OTOG: variants seen among roughly 807,000 people sequenced by gnomAD.
OTOG encodes otogelin.
Under a neutral mutation model 313.8 loss-of-function variants are expected in OTOG, and 296 were observed. That is an observed-to-expected ratio of 0.94 (90% CI 0.86 to 1.04). The LOEUF is 1.04. Ranked by LOEUF, OTOG falls within the 50% of genes least tolerant of loss-of-function variation. The pLI is 0.00. For missense variants in OTOG, 3,948 were observed against 3,840.1 expected (o/e 1.03, Z -0.74); for synonymous variants, 1,533 against 1,554.9 (o/e 0.99, Z 0.33).
At chr11:17,639,911 G>A (rs1271275599) in intron 49 of OTOG, among the ~76,000 whole-genome samples, 1 of 149,192 alleles carries the variant, frequency 6.7e-6, no homozygotes, top group Non-Finnish European at 1.5e-5. Flanking sequence ...GGTGGTGATG[G>A]TGAGGATGGT....
chr11:17,617,310 G>A (rs974977478), intron 39 of OTOG, among the ~76,000 whole-genome samples: 2 of 152,038 alleles, frequency 1.3e-5, no homozygotes, highest in Non-Finnish European at 2.9e-5. Context: ...GCAGAGTAAT[G>A]CTGGCCTCAC....
intron 15 of OTOG, among the ~76,000 whole-genome samples, chr11:17,562,915 C>CCAAA (rs1239010706): frequency 6.6e-6 from 1 of 152,080 alleles, no homozygotes; most frequent in Non-Finnish European, 1.5e-5. Context: ...CTCCCTGGGC[C>CCAAA]CTATAGTTTG....
rs935360771 is a variant in OTOG, at chr11:17,553,345, TTC to T, written c.386-16_386-15del. 6.8e-7 allele frequency: 1 copy of T among 1,468,968 alleles called. No homozygotes were observed. Among genetic ancestry groups the T allele is most frequent in the African/African-American group, 1.4e-5 (1 of 70,408 alleles). The allele number at this position is 1,468,968 out of a possible 1,614,324, so 91.0% of individuals were successfully genotyped here. On this transcript the variant is annotated intron_variant, in intron 5 of 55. Coordinates refer to ENST00000399397, the MANE Select transcript of OTOG (RefSeq NM_001292063.2). The stretch of plus-strand genomic sequence containing the variant: ...TGCCCACTGTAGCTACACAGAGAGG[TTC>T]TCTTTTCTCTCCCTCAGTGTACAAT...
chr11:17,589,868 C>A (rs772789766), intron 24 of OTOG, among the ~76,000 whole-genome samples: 12 of 152,156 alleles, frequency 7.9e-5, no homozygotes, highest in Non-Finnish European at 1.6e-4. Flanking sequence ...CTGTGGGCAG[C>A]ATTTGACACA....
rs982886364 is a variant in OTOG at position 17,593,284 on chromosome 11, T to C, written c.3098T>C (p.Val1033Ala). ...MICRKFISIN[V>A]GNSLIVFDDD... Reference sequence around the variant, plus strand: ...TGCAGGAAATTTATTTCCATCAACGTTGGGAACTCACTCATTGTCTTTGAT... The same window carrying C: ...TGCAGGAAATTTATTTCCATCAACGCTGGGAACTCACTCATTGTCTTTGAT... The change falls in exon 26 of 56, where the codon GTT becomes GCT. Residue 1033 changes from valine (V) to alanine (A), a missense_variant. By Grantham distance (64) the Val-to-Ala change is moderately conservative. Transcript: ENST00000399397. The C allele has an allele frequency of 1.9e-6, 3 of 1,550,468 alleles. No homozygotes were observed. Among genetic ancestry groups the C allele is most frequent in the Admixed American group, 2.0e-5 (1 of 50,986 alleles).
intron 39 of OTOG, among the ~76,000 whole-genome samples, chr11:17,624,340 G>A (rs11824246): frequency 0.028 from 4,255 of 152,260 alleles, 204 homozygotes; most frequent in African/African-American, 0.098. Flanking sequence ...TATGGCGTAA[G>A]GAAGGGGTCC....
chr11:17,548,118 C>T, intron 2 of OTOG, 34 bp from the exon 3 acceptor site: 2 of 1,536,466 alleles, frequency 1.3e-6, no homozygotes, highest in South Asian at 1.2e-5. Context: ...CCCATCCTAG[C>T]CCCCCATCCA....
chr11:17,581,600 CTTT>C (rs527263327), intron 23 of OTOG, among the ~76,000 whole-genome samples: 519 of 152,106 alleles, frequency 3.4e-3, no homozygotes, highest in Non-Finnish European at 5.6e-3. Flanking sequence ...ACTCTTTTTT[CTTT>C]TTTTCCTTTT....
intron 5 of OTOG, 46 bp downstream of exon 5, chr11:17,553,257 G>A (rs1339234851): frequency 6.5e-7 from 1 of 1,540,856 alleles, no homozygotes; most frequent in Non-Finnish European, 8.8e-7. Context: ...CCTGGGTGCA[G>A]GGAAAGCTAG....
At chr11:17,618,639 A>G (rs543296944) in intron 39 of OTOG, among the ~76,000 whole-genome samples, 7 of 152,336 alleles carry the variant, frequency 4.6e-5, no homozygotes, top group Non-Finnish European at 1.0e-4. Flanking sequence ...AGTTACTGAG[A>G]GAATGTTGAA....
Position 17,594,094 on chromosome 11 carries a change from T to C in OTOG, c.3336T>C (p.Asn1112=), listed in dbSNP as rs1465273332. Residue 1112 remains asparagine, a synonymous_variant, in exon 28 of 56, where the codon AAT becomes AAC. Coordinates refer to ENST00000399397, the MANE Select transcript of OTOG (RefSeq NM_001292063.2). ...LCGNFDLKTI[N]EMRTPENLEL... is the part of the protein sequence containing the mutation. ...GGAACTTTGACTTAAAAACCATCAA[T>C]GAGATGAGGACCCCGGAGAACCTAG... 5 of 1,550,160 alleles carry C rather than the reference T, an allele frequency of 3.2e-6. No homozygotes were observed. The highest frequency in any genetic ancestry group is 2.4e-5 in the South Asian group (2 of 84,052).
At chr11:17,632,052 T>A (rs1348548427) in intron 41 of OTOG, 36 bp from the exon 42 acceptor site, 4 of 1,545,746 alleles carry the variant, frequency 2.6e-6, no homozygotes, top group Non-Finnish European at 1.7e-6. Context: ...ATATGTGCCA[T>A]CCGAGTAACC....
intron 40 of OTOG, among the ~76,000 whole-genome samples, chr11:17,631,356 TTCTCTCTCTC>T (rs143019994): frequency 1.4e-5 from 2 of 141,688 alleles, no homozygotes; most frequent in African/African-American, 5.5e-5. Context: ...GCTTCTCTCC[TTCTCTCTCTC>T]TCTCTCTCTC....
At chr11:17,627,469 T>G (rs1854014790) in intron 39 of OTOG, among the ~76,000 whole-genome samples, 1 of 152,222 alleles carries the variant, frequency 6.6e-6, no homozygotes, top group Non-Finnish European at 1.5e-5. Flanking sequence ...AATGATCTTT[T>G]TGATGTATTG....
In OTOG at chr11:17,612,608, C is replaced by A. The variant is rs1853589169; in HGVS notation, c.6293-12C>A. On this transcript the variant is annotated splice_polypyrimidine_tract_variant and intron_variant, in intron 37 of 55. Transcript: ENST00000399397. ...ATCCACCTATTCTTCTTGTGCCCTG[C>A]CCCTCCCCCAGGCCGGTGCTCAATC... 1.3e-6 allele frequency: 2 copies of A among 1,547,754 alleles called. No homozygotes were observed. Among genetic ancestry groups the A allele is most frequent in the African/African-American group, 2.7e-5 (2 of 72,980 alleles).
Position 17,555,880 on chromosome 11 carries a change from C to T in OTOG, c.642C>T (p.Val214=), listed in dbSNP as rs1171775907. 1 of 1,551,038 alleles carries T rather than the reference C, an allele frequency of 6.4e-7. No homozygotes were observed. The change falls in exon 7 of 56, where the codon GTC becomes GTT. Residue 214 remains valine, a synonymous_variant. Coordinates refer to ENST00000399397, the MANE Select transcript of OTOG (RefSeq NM_001292063.2). ...AGGAGATCCATCTGGCCAAGGAGGT[C>T]ACCCATGGAGGCATGAGGTAACTCT... ...GEQEIHLAKE[V]THGGMRVQLP... is the part of the protein sequence containing the mutation.
Position 17,571,987 on chromosome 11 carries a change from T to G in OTOG, c.1956-93T>G, listed in dbSNP as rs986842790. 2.9e-5 allele frequency: 43 copies of G among 1,487,012 alleles called. No homozygotes were observed. The Admixed American group carries it at 8.4e-4, about 29-fold the overall frequency. 92.1% of individuals were successfully genotyped at this position (1,487,012 alleles called of 1,614,324 possible). A position where few individuals can be genotyped will look rare whatever the true frequency, so the allele number is the denominator to read the frequency against. ...TGTAGATTATGACTATGTGTGTGTA[T>G]ATGAGCAAGTAGGTGTTACCTGGAT... On this transcript the variant is annotated intron_variant, in intron 17 of 55. Coordinates refer to ENST00000399397, the MANE Select transcript of OTOG (RefSeq NM_001292063.2).
Position 17,574,893 on chromosome 11 carries a change from G to C in OTOG, c.2467G>C (p.Ala823Pro). Residue 823 changes from alanine to proline, a missense_variant, in exon 20 of 56, where the codon GCT (alanine) becomes CCT (proline). Ala to Pro is a conservative substitution (Grantham distance 27). Transcript: ENST00000399397. Reference protein sequence around the residue: ...CPPDTYLDTQADLCVPRNQCS... With the variant: ...CPPDTYLDTQPDLCVPRNQCS... ...ACCGGACACCTATCTGGACACCCAGGCTGACCTCTGTGTCCCCCGGTGAGT... is the reference window on the plus strand; with the variant it reads ...ACCGGACACCTATCTGGACACCCAGCCTGACCTCTGTGTCCCCCGGTGAGT... 1 of 1,524,758 alleles carries C rather than the reference G, an allele frequency of 6.6e-7. No individual in the cohort carries two copies. Among genetic ancestry groups the C allele is most frequent in the Non-Finnish European group, 8.8e-7 (1 of 1,132,480 alleles). 94.5% of individuals were successfully genotyped at this position (1,524,758 alleles called of 1,614,324 possible).
Position 17,586,478 on chromosome 11 carries a change from C to T in OTOG, c.2764C>T (p.Leu922Phe). The T allele has an allele frequency of 7.0e-7, 1 of 1,420,408 alleles. No individual in the cohort carries two copies. Among genetic ancestry groups the T allele is most frequent in the Non-Finnish European group, 9.2e-7 (1 of 1,082,140 alleles). 88.0% of individuals were successfully genotyped at this position (1,420,408 alleles called of 1,614,324 possible). A position where few individuals can be genotyped will look rare whatever the true frequency, so the allele number is the denominator to read the frequency against. ...LSGCACPQGLLRHGDACFLPE... is the reference protein window; with the variant it reads ...LSGCACPQGLFRHGDACFLPE... Reference sequence around the variant, plus strand: ...CTGCTTGCTGTGTCTCTACAGTCTGCTCAGACACGGGGATGCATGTTTCCT... The same window carrying T: ...CTGCTTGCTGTGTCTCTACAGTCTGTTCAGACACGGGGATGCATGTTTCCT... The change falls in exon 24 of 56, where the codon CTC (leucine) becomes TTC (phenylalanine). Residue 922 changes from leucine (L) to phenylalanine (F), a missense_variant. Physicochemically the swap from Leu to Phe is conservative, Grantham distance 22. Coordinates refer to ENST00000399397, the MANE Select transcript of OTOG (RefSeq NM_001292063.2).
Sources: allele counts gnomAD v4.1 joint callset (sites outside exome capture counted in the v4.1 genomes callset), GRCh38; gene constraint gnomAD v4.1.1; transcripts MANE v1.5; gene names NCBI Gene and HGNC (gene_info 2026-07-23, HGNC 2026-07-21).